Variants in LRRC43 observed in about 807,000 individuals in gnomAD.
LRRC43 encodes the protein leucine-rich repeat-containing protein 43.
In LRRC43, 62 loss-of-function variants were observed where a neutral mutation model predicts 64.3. The ratio of observed to expected loss-of-function variants is 0.96; its 90% CI spans 0.79 to 1.19. LRRC43 has a LOEUF of 1.19. Ranked by LOEUF, LRRC43 falls within the 50% of genes most tolerant of loss-of-function variation. LRRC43 has a pLI of 0.00. For synonymous variants in LRRC43, 422 were observed against 382.3 expected (o/e 1.10, Z -1.21); for missense variants, 868 against 845.0 (o/e 1.03, Z -0.34).
chr12:122,191,660 T>A, intron 6 of LRRC43, 93 bp downstream of exon 6: 1 of 977,756 alleles, frequency 1.0e-6, no homozygotes, highest in Non-Finnish European at 1.5e-6. Context: ...ATTAATTAAT[T>A]AATTTATTTA....
In LRRC43 at chr12:122,183,216, C is replaced by T. The variant is rs1953600759; in HGVS notation, c.72C>T (p.Thr24=). The T allele has an allele frequency of 2.6e-6, 4 of 1,564,572 alleles. No homozygotes were observed. Among genetic ancestry groups the T allele is most frequent in the South Asian group, 1.2e-5 (1 of 86,650 alleles). The part of the protein sequence containing the change: ...EAGPGTQRPG[T]GTVSAAVREH... ...GGCCTGGGACTCAGCGGCCCGGGAC[C>T]GGGACCGTGAGCGCGGCCGTGCGCG... The change falls in exon 1 of 12, where the codon ACC becomes ACT. Residue 24 remains threonine (T), a synonymous_variant. Coordinates refer to ENST00000339777, the MANE Select transcript of LRRC43 (RefSeq NM_001098519.2).
At chr12:122,194,537 C>T (rs1210306405) in intron 7 of LRRC43, among the ~76,000 whole-genome samples, 1 of 150,656 alleles carries the variant, frequency 6.6e-6, no homozygotes, top group Non-Finnish European at 1.5e-5. Context: ...TTCCACTCCA[C>T]CCTGGGCAAT....
At chr12:122,172,747 G>T in intron 1 of LRRC43, 1 of 1,595,610 alleles carries the variant, frequency 6.3e-7, no homozygotes, top group South Asian at 1.1e-5. Context: ...TCCACCTGTG[G>T]AATGAGGAGA....
rs1467027906 is a variant in LRRC43 at position 122,203,331 on chromosome 12, G to A, written c.1860G>A (p.Val620=). The change falls in exon 12 of 12, where the codon GTG becomes GTA. Residue 620 remains valine (V), a synonymous_variant. Transcript: ENST00000339777. ...TTTTCTCAGAAAAGCCGAAAGCCGTGATTCCGATCTACGAAGGCGATTACC... is the reference window on the plus strand; with the variant it reads ...TTTTCTCAGAAAAGCCGAAAGCCGTAATTCCGATCTACGAAGGCGATTACC... ...KVAKKEKPKA[V]IPIYEGDYHP... 1.2e-6 allele frequency: 2 copies of A among 1,612,838 alleles called. No homozygotes were observed. The highest frequency in any genetic ancestry group is 1.6e-4 in the Middle Eastern group (1 of 6,062).
intron 1 of LRRC43, among the ~76,000 whole-genome samples, chr12:122,174,662 C>G (rs1390989558): frequency 6.6e-6 from 1 of 152,026 alleles, no homozygotes; most frequent in Admixed American, 6.6e-5. Flanking sequence ...AGCATATGCC[C>G]ACGCCGGTGT....
intron 1 of LRRC43, among the ~76,000 whole-genome samples, chr12:122,172,959 TC>T (rs149694864): frequency 0.014 from 2,121 of 152,228 alleles, 56 homozygotes; most frequent in African/African-American, 0.049. Flanking sequence ...GAACCACTGA[TC>T]CATCCAGCTG....
chr12:122,180,553 C>A (rs186556161), upstream of LRRC43, among the ~76,000 whole-genome samples: 3 of 151,926 alleles, frequency 2.0e-5, no homozygotes, highest in Admixed American at 6.6e-5. Flanking sequence ...TGAGTATAGA[C>A]CACTGTGTCA....
intron 5 of LRRC43, 58 bp from the exon 6 acceptor site, chr12:122,191,322 T>C: frequency 6.7e-7 from 1 of 1,486,312 alleles, no homozygotes; most frequent in South Asian, 1.3e-5. Flanking sequence ...CCCTCTTGCT[T>C]TCTATCTGCC....
At position 122,186,268 on chromosome 12, in the gene LRRC43, G is replaced by C. The variant is rs761930560; in HGVS notation, c.490G>C (p.Val164Leu). The C allele has an allele frequency of 1.9e-6, 3 of 1,604,896 alleles. No homozygotes were observed. The highest frequency in any genetic ancestry group is 2.7e-5 in the African/African-American group (2 of 74,774). The change falls in exon 3 of 12, where the codon GTG becomes CTG. Residue 164 changes from valine to leucine, a missense_variant. Coordinates refer to ENST00000339777, the MANE Select transcript of LRRC43 (RefSeq NM_001098519.2). ...ACTGAGCGCCAATCGAATCAAGGAG[G>C]TGGATGCCACCAATCTGCCCCCCAC... ...LVLSANRIKEVDATNLPPTLK... is the reference protein window; with the variant it reads ...LVLSANRIKELDATNLPPTLK...
intron 7 of LRRC43, among the ~76,000 whole-genome samples, chr12:122,198,732 T>C (rs149420105): frequency 0.076 from 9,395 of 123,890 alleles, 950 homozygotes; most frequent in African/African-American, 0.25. Context: ...CAGGTTCAAG[T>C]GATTCTCCTG....
At chr12:122,179,768 C>T (rs150293131), upstream of LRRC43, among the ~76,000 whole-genome samples, 108 of 151,774 alleles carry the variant, frequency 7.1e-4, 1 homozygote, top group Admixed American at 4.2e-3. Flanking sequence ...GTCAAAAGGT[C>T]GAGACCATCC....
rs141203222 is a variant in LRRC43, at chr12:122,169,586, G to A, written c.-406+1804G>A. On this transcript the variant is annotated intron_variant, in intron 1 of 5. Coordinates refer to the LRRC43 transcript ENST00000537729. Reference sequence around the variant, plus strand: ...AAAAAATTAGCCGGGCGTGGTGGCGGGCGCCTGTAGTCCCAGCTATTCTGG... The same window carrying A: ...AAAAAATTAGCCGGGCGTGGTGGCGAGCGCCTGTAGTCCCAGCTATTCTGG... Among the ~76,000 whole-genome samples the A allele has an allele frequency of 7.3e-3, 1,101 of 151,802 alleles. 13 individuals carry two copies. The highest frequency in any genetic ancestry group is 0.024 in the African/African-American group (978 of 41,388).
chr12:122,188,314 A>G (rs1456341757), intron 4 of LRRC43, among the ~76,000 whole-genome samples: 1 of 151,746 alleles, frequency 6.6e-6, no homozygotes, highest in Admixed American at 6.6e-5. Context: ...TCACTGTGTT[A>G]GCCAGGATGG....
intron 7 of LRRC43, among the ~76,000 whole-genome samples, chr12:122,199,418 G>C (rs1174688414): frequency 2.0e-5 from 3 of 151,804 alleles, no homozygotes; most frequent in Non-Finnish European, 4.4e-5. Flanking sequence ...GAGTAGCTGG[G>C]ACCACGGGCA....
chr12:122,196,282 A>G (rs947126751), intron 7 of LRRC43, among the ~76,000 whole-genome samples: 1 of 152,196 alleles, frequency 6.6e-6, no homozygotes, highest in African/African-American at 2.4e-5. Flanking sequence ...AGTCTAATAG[A>G]TTTATTTTAA....
At position 122,200,130 on chromosome 12, in the gene LRRC43, G is replaced by A. The variant is rs1953817893; in HGVS notation, c.1350-59G>A. ...GATGTCCCCTCACAGTCCTGTCCCG[G>A]GTCCCTGGCCACAGCCCCTGGGTGA... is the stretch of plus-strand genomic sequence containing the variant. On this transcript the variant is annotated intron_variant, in intron 7 of 11. Coordinates refer to ENST00000339777, the MANE Select transcript of LRRC43 (RefSeq NM_001098519.2). The surrounding 1 kb of genome is among the most constrained non-coding windows in gnomAD (Gnocchi z 4.6). 1.3e-6 allele frequency: 2 copies of A among 1,580,730 alleles called. No homozygotes were observed. Among genetic ancestry groups the A allele is most frequent in the East Asian group, 2.2e-5 (1 of 44,666 alleles).
intron 7 of LRRC43, 103 bp downstream of exon 7, chr12:122,193,107 G>A (rs979454773): frequency 8.5e-6 from 11 of 1,289,980 alleles, no homozygotes; most frequent in South Asian, 2.9e-5. Flanking sequence ...CTGGCGGGGC[G>A]CGGTGGCTCA....
upstream of LRRC43, among the ~76,000 whole-genome samples, chr12:122,181,939 A>G (rs970164831): frequency 1.3e-5 from 2 of 151,946 alleles, no homozygotes; most frequent in Non-Finnish European, 2.9e-5. Flanking sequence ...TTGTCCCGAT[A>G]TCGTATAGTC....
At chr12:122,179,987 A>G (rs12821993), upstream of LRRC43, among the ~76,000 whole-genome samples, 27 of 151,378 alleles carry the variant, frequency 1.8e-4, no homozygotes, top group East Asian at 2.1e-3. Flanking sequence ...AAAAAAAAAA[A>G]AGAGAGAGAG....
Sources: allele counts gnomAD v4.1 joint callset (sites outside exome capture counted in the v4.1 genomes callset), GRCh38; gene constraint gnomAD v4.1.1; non-coding constraint Gnocchi (gnomAD v3.1); transcripts MANE v1.5; gene names NCBI Gene and HGNC (gene_info 2026-07-23, HGNC 2026-07-21).